SERPINB5: variants seen among roughly 807,000 people sequenced by gnomAD.
SERPINB5 encodes the protein serpin B5.
In SERPINB5, 27 loss-of-function variants were observed where a neutral mutation model predicts 32.2. The ratio of observed to expected loss-of-function variants is 0.84; its 90% CI spans 0.62 to 1.16. SERPINB5 has a LOEUF of 1.16. Ranked by LOEUF, SERPINB5 falls within the 50% of genes most tolerant of loss-of-function variation. The pLI, the probability that SERPINB5 is intolerant of heterozygous loss-of-function variation, is 0.00. For synonymous variants in SERPINB5, 154 were observed against 157.4 expected, an observed-to-expected ratio of 0.98 and a Z score of 0.16; for missense variants, 388 against 436.3, an observed-to-expected ratio of 0.89 and a Z score of 0.99.
chr18:63,495,716 T>C (rs994846061), intron 5 of SERPINB5, among the ~76,000 whole-genome samples: 2 of 152,226 alleles, frequency 1.3e-5, no homozygotes, highest in Non-Finnish European at 2.9e-5. Context: ...TGCTATTAAA[T>C]CATAAAGCTG....
chr18:63,500,815 C>A (rs1021674358), intron 6 of SERPINB5, among the ~76,000 whole-genome samples: 1 of 152,138 alleles, frequency 6.6e-6, no homozygotes, highest in African/African-American at 2.4e-5. Context: ...CAGCTTGCTC[C>A]TTTGGTTGCC....
At chr18:63,479,396 T>C (rs187256494) in intron 1 of SERPINB5, among the ~76,000 whole-genome samples, 150 of 152,288 alleles carry the variant, frequency 9.8e-4, no homozygotes, top group African/African-American at 3.5e-3. Context: ...AGTGACAAGC[T>C]ATAAGTCTAG....
chr18:63,499,520 C>T (rs36032760), intron 6 of SERPINB5, among the ~76,000 whole-genome samples: 24,963 of 152,194 alleles, frequency 0.16, 2,165 homozygotes, highest in African/African-American at 0.21. Context: ...AAGTTGCCTA[C>T]GTGCATTATC....
intron 6 of SERPINB5, among the ~76,000 whole-genome samples, chr18:63,500,320 C>T (rs1909545100): frequency 6.6e-6 from 1 of 151,656 alleles, no homozygotes; most frequent in South Asian, 2.1e-4. Flanking sequence ...GCCTCAGCCT[C>T]CTGAAGTGCT....
rs555074390 is a variant in SERPINB5, at chr18:63,486,506, C to T, written c.169-440C>T. Among the ~76,000 whole-genome samples the T allele has an allele frequency of 3.3e-5, 5 of 152,232 alleles. No homozygotes were observed. The South Asian group carries it at 1.0e-3, about 32-fold the overall frequency. On this transcript the variant is annotated intron_variant, in intron 2 of 6. Coordinates refer to ENST00000382771, the MANE Select transcript of SERPINB5 (RefSeq NM_002639.5). ...GATAGAAATTATAACCCAGCTTCAT[C>T]GTTCTCCAAGTTTGGAAATCCTTCT...
intron 1 of SERPINB5, among the ~76,000 whole-genome samples, chr18:63,480,720 G>A (rs1917114040): frequency 6.6e-6 from 1 of 152,208 alleles, no homozygotes; most frequent in Non-Finnish European, 1.5e-5. Flanking sequence ...CAACTTTATA[G>A]TGTTTTTAGG....
chr18:63,495,960 C>T (rs991122031), intron 5 of SERPINB5, among the ~76,000 whole-genome samples: 1 of 152,106 alleles, frequency 6.6e-6, no homozygotes, highest in Non-Finnish European at 1.5e-5. Context: ...TCTTATGCCC[C>T]GTGGTGTCTC....
In SERPINB5 at chr18:63,487,073, A is replaced by T. The variant is rs767307131; in HGVS notation, c.296A>T (p.Asn99Ile). The part of the protein sequence containing the change: ...IKRLYVDKSL[N>I]LSTEFISSTK... ...CGGCTCTACGTAGACAAATCTCTGAATCTTTCTACAGTAAGTTGTTTAAAG... is the reference window on the plus strand; with the variant it reads ...CGGCTCTACGTAGACAAATCTCTGATTCTTTCTACAGTAAGTTGTTTAAAG... Residue 99 changes from asparagine to isoleucine, a missense_variant, in exon 3 of 7, where the codon AAT becomes ATT. Asn to Ile is a moderately radical substitution (Grantham distance 149, BLOSUM62 -3). Transcript: ENST00000382771. 6.2e-7 allele frequency: 1 copy of T among 1,613,550 alleles called. No homozygotes were observed. The highest frequency in any genetic ancestry group is 8.5e-7 in the Non-Finnish European group (1 of 1,179,822).
chr18:63,503,942 C>G lies in SERPINB5; in HGVS notation c.*220C>G. Reference sequence around the variant, plus strand: ...TTTTTTCCCATAAGACAATGACATACGCTTTTAATGAAAAGGAATCACGTT... The same window carrying G: ...TTTTTTCCCATAAGACAATGACATAGGCTTTTAATGAAAAGGAATCACGTT... On this transcript the variant is annotated 3_prime_UTR_variant, in exon 7 of 7. Coordinates refer to ENST00000382771, the MANE Select transcript of SERPINB5 (RefSeq NM_002639.5). 1.9e-6 allele frequency: 1 copy of G among 532,828 alleles called. No homozygotes were observed. The allele number at this position is 532,828 out of a possible 1,614,324, so 33.0% of individuals were successfully genotyped here.
chr18:63,484,533 C>G lies in SERPINB5; in HGVS notation c.105C>G (p.Leu35=). The change falls in exon 2 of 7, where the codon CTC becomes CTG. Residue 35 remains leucine (L), a synonymous_variant. Transcript: ENST00000382771. The part of the protein sequence containing the change: ...LGNVLFSPIC[L]STSLSLAQVG... Reference sequence around the variant, plus strand: ...ATGTCCTCTTCTCTCCAATCTGTCTCTCCACCTCTCTGTCACTTGCTCAAG... The same window carrying G: ...ATGTCCTCTTCTCTCCAATCTGTCTGTCCACCTCTCTGTCACTTGCTCAAG... 6.2e-7 allele frequency: 1 copy of G among 1,614,168 alleles called. No individual in the cohort carries two copies. Among genetic ancestry groups the G allele is most frequent in the South Asian group, 1.1e-5 (1 of 91,070 alleles).
At chr18:63,494,775 C>G (rs62100035) in intron 5 of SERPINB5, among the ~76,000 whole-genome samples, 1 of 152,174 alleles carries the variant, frequency 6.6e-6, no homozygotes, top group Admixed American at 6.5e-5. Flanking sequence ...ATTTGCTTTT[C>G]CACAGTGAAA....
chr18:63,486,546 G>A (rs1599388465), intron 2 of SERPINB5: 1 of 160,318 alleles, frequency 6.2e-6, no homozygotes, highest in East Asian at 1.8e-4. Context: ...GAGTATTAAG[G>A]GCATCACTTT....
chr18:63,499,047 G>GTGTGTATA (rs376117295), intron 5 of SERPINB5, 73 bp from the exon 6 acceptor site: 11 of 497,850 alleles, frequency 2.2e-5, no homozygotes, highest in African/African-American at 1.6e-4. Context: ...GCGCGTGTGT[G>GTGTGTATA]TATATATATA....
rs1279882902 is a variant in SERPINB5 at position 63,486,981 on chromosome 18, T to A, written c.204T>A (p.Phe68Leu). 6.2e-7 allele frequency: 1 copy of A among 1,614,194 alleles called. No homozygotes were observed. The highest frequency in any genetic ancestry group is 1.1e-5 in the South Asian group (1 of 91,082). ...TTGAAAATGTCAAAGATGTACCCTT[T>A]GGATTTCAAACAGTAACATCGGATG... ...LHFENVKDVPFGFQTVTSDVN... is the reference protein window; with the variant it reads ...LHFENVKDVPLGFQTVTSDVN... The change falls in exon 3 of 7, where the codon TTT becomes TTA. Residue 68 changes from phenylalanine (F) to leucine (L), a missense_variant. By Grantham distance (22) the Phe-to-Leu change is conservative. Coordinates refer to ENST00000382771, the MANE Select transcript of SERPINB5 (RefSeq NM_002639.5).
intron 6 of SERPINB5, among the ~76,000 whole-genome samples, chr18:63,500,316 G>A (rs1231525538): frequency 6.6e-6 from 1 of 150,802 alleles, no homozygotes; most frequent in Non-Finnish European, 1.5e-5. Flanking sequence ...CTCAGCCTCA[G>A]CCTCCTGAAG....
intron 1 of SERPINB5, among the ~76,000 whole-genome samples, chr18:63,479,489 G>A (rs1178786095): frequency 1.3e-5 from 2 of 152,116 alleles, no homozygotes; most frequent in Admixed American, 6.5e-5. Context: ...AGTTCTCCCT[G>A]TCCCACGTTT....
At chr18:63,503,063 C>T (rs1909602147) in intron 6 of SERPINB5, among the ~76,000 whole-genome samples, 1 of 152,028 alleles carries the variant, frequency 6.6e-6, no homozygotes, top group Non-Finnish European at 1.5e-5. Context: ...AAAAACTACT[C>T]TCTAACTTAA....
chr18:63,487,364 C>G (rs2144497729), intron 3 of SERPINB5, among the ~76,000 whole-genome samples: 1 of 152,216 alleles, frequency 6.6e-6, no homozygotes, highest in East Asian at 1.9e-4. Context: ...GAATGGAGAA[C>G]AGAGTAATTA....
intron 5 of SERPINB5, among the ~76,000 whole-genome samples, chr18:63,496,390 C>T (rs1216181569): frequency 6.6e-6 from 1 of 152,176 alleles, no homozygotes. Flanking sequence ...TTTGGTTACA[C>T]ATAGAGTTGA....
Sources: allele counts gnomAD v4.1 joint callset (sites outside exome capture counted in the v4.1 genomes callset), GRCh38; gene constraint gnomAD v4.1.1; transcripts MANE v1.5; gene names NCBI Gene and HGNC (gene_info 2026-07-23, HGNC 2026-07-21).